LTBP1: variants seen among roughly 807,000 people sequenced by gnomAD.
LTBP1 encodes latent transforming growth factor beta binding protein 1.
In LTBP1, 129 loss-of-function variants were observed where a neutral mutation model predicts 207.6. The observed-to-expected ratio is 0.62, with a 90% CI of 0.54 to 0.72. The LOEUF is 0.72. Among genes scored for constraint, LTBP1 ranks in the 30% least tolerant of loss-of-function variants. LTBP1 has a pLI of 0.00. For missense variants in LTBP1, 2,281 were observed against 2,217.2 expected (o/e 1.03, Z -0.58); for synonymous variants, 963 against 833.7 (o/e 1.16, Z -2.67).
Position 33,210,231 on chromosome 2 carries a change from C to T in LTBP1, c.1702-7321C>T, listed in dbSNP as rs555701495. On this transcript the variant is annotated intron_variant, in intron 7 of 33. Transcript: ENST00000404816. ...GCATTTGTTGAGATAAGATATTATT[C>T]GTGCTGAACTTAACTCCTTTCTGCT... Among the ~76,000 whole-genome samples, 7 of 152,294 alleles carry T rather than the reference C, an allele frequency of 4.6e-5. No individual in the cohort carries two copies. In the East Asian group the frequency reaches 9.6e-4, roughly 21 times the overall value.
intron 4 of LTBP1, among the ~76,000 whole-genome samples, chr2:33,115,726 A>AT (rs915888219): frequency 2.6e-5 from 4 of 152,022 alleles, no homozygotes; most frequent in African/African-American, 7.2e-5. Context: ...TAGTTTAGTA[A>AT]TTTTTTTTAA....
intron 4 of LTBP1, among the ~76,000 whole-genome samples, chr2:33,111,271 A>G (rs1273790250): frequency 3.3e-5 from 5 of 152,152 alleles, no homozygotes; most frequent in Non-Finnish European, 7.3e-5. Context: ...AGCTTGGTTA[A>G]TATCTCGCTA....
chr2:33,212,388 G>T (rs551600341), intron 7 of LTBP1, among the ~76,000 whole-genome samples: 1 of 152,278 alleles, frequency 6.6e-6, no homozygotes, highest in African/African-American at 2.4e-5. Flanking sequence ...AAAAGGAGGT[G>T]GTTAGGAGGC....
chr2:33,044,386 T>G (rs1558555557), intron 3 of LTBP1, among the ~76,000 whole-genome samples: 2 of 152,174 alleles, frequency 1.3e-5, no homozygotes, highest in Non-Finnish European at 1.5e-5. Flanking sequence ...GTTCCTGTGT[T>G]AGTTTGCTGA....
chr2:33,252,722 T>A lies in LTBP1; in HGVS notation c.2045T>A (p.Leu682His). The stretch of plus-strand genomic sequence containing the variant: ...GAAGAGAAAGGGCCCTGTTACCGAC[T>A]TGTCAGTTCTGGAAGACAGTGTATG... ...ISEEKGPCYRLVSSGRQCMHP... is the reference protein window; with the variant it reads ...ISEEKGPCYRHVSSGRQCMHP... Residue 682 changes from leucine to histidine, a missense_variant, in exon 11 of 34, where the codon CTT (leucine) becomes CAT (histidine). By Grantham distance (99) the Leu-to-His change is moderately conservative. Coordinates refer to ENST00000404816, the MANE Select transcript of LTBP1 (RefSeq NM_206943.4). The A allele has an allele frequency of 6.2e-7, 1 of 1,613,808 alleles. No individual in the cohort carries two copies. The highest frequency in any genetic ancestry group is 8.5e-7 in the Non-Finnish European group (1 of 1,179,752).
intron 2 of LTBP1, among the ~76,000 whole-genome samples, chr2:33,010,948 G>C (rs1326726065): frequency 1.3e-5 from 2 of 152,052 alleles, no homozygotes; most frequent in African/African-American, 4.8e-5. Flanking sequence ...TCGATCTCTT[G>C]ACCCCGTGAT....
At chr2:33,354,494 A>C (rs1052066544) in intron 26 of LTBP1, among the ~76,000 whole-genome samples, 1 of 152,132 alleles carries the variant, frequency 6.6e-6, no homozygotes, top group Non-Finnish European at 1.5e-5. Context: ...AAAAATATCT[A>C]GTCAAGTTTC....
intron 2 of LTBP1, among the ~76,000 whole-genome samples, chr2:33,012,793 T>C (rs1687853328): frequency 6.6e-6 from 1 of 152,224 alleles, no homozygotes; most frequent in Non-Finnish European, 1.5e-5. Flanking sequence ...TATAACAATA[T>C]ATGTGCATAA....
intron 2 of LTBP1, among the ~76,000 whole-genome samples, chr2:32,979,324 G>A (rs1234785179): frequency 1.3e-5 from 2 of 151,496 alleles, no homozygotes. Context: ...TTTTTGATGT[G>A]CTCATAGCTA....
At chr2:33,288,226 T>C (rs1280422409) in intron 19 of LTBP1, among the ~76,000 whole-genome samples, 3 of 152,184 alleles carry the variant, frequency 2.0e-5, no homozygotes, top group African/African-American at 7.2e-5. Context: ...GGACAAATTC[T>C]AGCCAACCCC....
At chr2:33,247,302 A>G (rs999327188) in intron 10 of LTBP1, among the ~76,000 whole-genome samples, 8 of 152,214 alleles carry the variant, frequency 5.3e-5, no homozygotes. Context: ...TTTATGAGAA[A>G]CATACCATGC....
chr2:33,267,681 A>G (rs952023854), intron 15 of LTBP1, among the ~76,000 whole-genome samples: 16 of 152,252 alleles, frequency 1.1e-4, no homozygotes, highest in African/African-American at 3.6e-4. Context: ...AATTTTTTCA[A>G]TGTGAAGATA....
At chr2:33,386,902 C>T (rs1420394839) in intron 31 of LTBP1, among the ~76,000 whole-genome samples, 2 of 145,644 alleles carry the variant, frequency 1.4e-5, no homozygotes, top group Non-Finnish European at 3.0e-5. Flanking sequence ...GCAATTTCGG[C>T]TCACTGCAAC....
At chr2:33,366,212 G>T (rs925565130) in intron 31 of LTBP1, among the ~76,000 whole-genome samples, 1 of 152,112 alleles carries the variant, frequency 6.6e-6, no homozygotes, top group Non-Finnish European at 1.5e-5. Flanking sequence ...TACCATCATA[G>T]CACCTTCTCA....
intron 3 of LTBP1, among the ~76,000 whole-genome samples, chr2:33,025,565 G>T (rs1046911672): frequency 6.6e-6 from 1 of 152,134 alleles, no homozygotes; most frequent in Non-Finnish European, 1.5e-5. Context: ...AAAAGAAAAA[G>T]ATAACAATGA....
intron 19 of LTBP1, among the ~76,000 whole-genome samples, chr2:33,281,044 C>A (rs2093551036): frequency 1.3e-5 from 2 of 152,112 alleles, no homozygotes; most frequent in African/African-American, 4.8e-5. Flanking sequence ...GCTCTCCAGC[C>A]CGAGTGACAG....
At chr2:33,296,184 T>G (rs751620486) in intron 20 of LTBP1, among the ~76,000 whole-genome samples, 48 of 152,240 alleles carry the variant, frequency 3.2e-4, no homozygotes, top group Non-Finnish European at 7.3e-5. Flanking sequence ...ATATCTAGTT[T>G]ATTTTCATAT....
chr2:33,333,242 T>G (rs2094517497), intron 24 of LTBP1, among the ~76,000 whole-genome samples: 1 of 150,620 alleles, frequency 6.6e-6, no homozygotes, highest in African/African-American at 2.4e-5. Flanking sequence ...TTTTTTTTTT[T>G]CTTTCTTAGT....
At chr2:33,038,172 G>T (rs368764435) in intron 3 of LTBP1, among the ~76,000 whole-genome samples, 17 of 152,306 alleles carry the variant, frequency 1.1e-4, no homozygotes, top group African/African-American at 3.8e-4. Context: ...TAATTTGAAT[G>T]CCAAACCAAC....
Sources: allele counts gnomAD v4.1 joint callset (sites outside exome capture counted in the v4.1 genomes callset), GRCh38; gene constraint gnomAD v4.1.1; transcripts MANE v1.5; gene names NCBI Gene and HGNC (gene_info 2026-07-23, HGNC 2026-07-21).